The following KCNK10 variants were observed in gnomAD, a reference collection of about 807,000 sequenced individuals.
KCNK10 encodes the protein potassium two pore domain channel subfamily K member 10, also known as potassium channel subfamily K member 10.
Under a neutral mutation model 47.7 loss-of-function variants are expected in KCNK10, and 25 were observed. The observed-to-expected ratio is 0.52, with a 90% CI of 0.38 to 0.73. KCNK10 has a LOEUF of 0.73. Ranked by LOEUF, KCNK10 falls within the 30% of genes least tolerant of loss-of-function variation. KCNK10 has a pLI of 0.00. For missense variants in KCNK10, 563 were observed against 714.5 expected, an observed-to-expected ratio of 0.79 and a Z score of 2.42; for synonymous variants, 303 against 285.6, an observed-to-expected ratio of 1.06 and a Z score of -0.61.
chr14:88,216,113 C>T (rs368051365), intron 4 of KCNK10, among the ~76,000 whole-genome samples: 2 of 152,250 alleles, frequency 1.3e-5, no homozygotes, highest in East Asian at 3.9e-4. Context: ...GTCAAGTCTC[C>T]AGGCATTTTT....
At chr14:88,219,380 C>G (rs117564725) in intron 4 of KCNK10, among the ~76,000 whole-genome samples, 82 of 152,352 alleles carry the variant, frequency 5.4e-4, no homozygotes, top group Admixed American at 9.8e-4. Flanking sequence ...AGGGACAACG[C>G]TCTGAAGAGC....
chr14:88,277,321 C>T (rs918636803), intron 1 of KCNK10, among the ~76,000 whole-genome samples: 4 of 152,156 alleles, frequency 2.6e-5, no homozygotes, highest in Admixed American at 2.6e-4. Flanking sequence ...AAATACCCTA[C>T]CAAACAGCTT....
chr14:88,247,291 C>T (rs1320575837), intron 2 of KCNK10, among the ~76,000 whole-genome samples: 2 of 152,146 alleles, frequency 1.3e-5, no homozygotes, highest in African/African-American at 4.8e-5. Context: ...GCACGTGTGC[C>T]TTTACCTCCC....
chr14:88,305,829 C>T (rs562490688), intron 1 of KCNK10, among the ~76,000 whole-genome samples: 4 of 152,280 alleles, frequency 2.6e-5, no homozygotes, highest in South Asian at 2.1e-4. Context: ...CTACTGCTGT[C>T]GCCCAGTGGA....
chr14:88,208,035 G>C (rs1242575985), intron 4 of KCNK10, among the ~76,000 whole-genome samples: 1 of 152,212 alleles, frequency 6.6e-6, no homozygotes, highest in African/African-American at 2.4e-5. Context: ...CATTCCCGTG[G>C]TGAAGCAGAG....
chr14:88,240,714 A>G lies in KCNK10; in HGVS notation c.509T>C (p.Ile170Thr). The change falls in exon 3 of 7, where the codon ATT (isoleucine) becomes ACT (threonine). Residue 170 changes from isoleucine to threonine, a missense_variant. By Grantham distance (89) the Ile-to-Thr change is moderately conservative. Transcript: ENST00000319231. Reference sequence around the variant, plus strand: ...AAACAAACGGGTACCTATGGTCGTAATGACAGTTCCAGCAAAGAAAAAGGC... The same window carrying G: ...AAACAAACGGGTACCTATGGTCGTAGTGACAGTTCCAGCAAAGAAAAAGGC... ...GSAFFFAGTV[I>T]TTIGYGNIAP... 1 of 1,609,020 alleles carries G rather than the reference A, an allele frequency of 6.2e-7. No homozygotes were observed. The highest frequency in any genetic ancestry group is 8.5e-7 in the Non-Finnish European group (1 of 1,175,360).
At chr14:88,264,495 G>A (rs1887202797) in intron 1 of KCNK10, among the ~76,000 whole-genome samples, 1 of 152,160 alleles carries the variant, frequency 6.6e-6, no homozygotes, top group Non-Finnish European at 1.5e-5. Flanking sequence ...ACCTAAGTGG[G>A]GTAAACAGTC....
chr14:88,252,885 C>G (rs2139906207), intron 2 of KCNK10, among the ~76,000 whole-genome samples: 1 of 152,250 alleles, frequency 6.6e-6, no homozygotes, highest in South Asian at 2.1e-4. Flanking sequence ...CACAAAGGAG[C>G]CTGCTCATCA....
intron 3 of KCNK10, among the ~76,000 whole-genome samples, chr14:88,236,401 C>A (rs1209403761): frequency 6.6e-6 from 1 of 152,134 alleles, no homozygotes; most frequent in African/African-American, 2.4e-5. Context: ...TAAGCTACAA[C>A]TGTGAACAAT....
At chr14:88,297,929 A>C (rs1459698087) in intron 1 of KCNK10, among the ~76,000 whole-genome samples, 8 of 152,246 alleles carry the variant, frequency 5.3e-5, no homozygotes, top group Non-Finnish European at 7.3e-5. Context: ...TTCGTTCTGC[A>C]GTGGGAATAC....
chr14:88,243,785 AG>A (rs1421579573), intron 2 of KCNK10, among the ~76,000 whole-genome samples: 2 of 151,762 alleles, frequency 1.3e-5, no homozygotes, highest in African/African-American at 4.8e-5. Context: ...AGCGACAAAA[AG>A]GGGTGTCAAC....
At chr14:88,249,685 G>C (rs1886739590) in intron 2 of KCNK10, among the ~76,000 whole-genome samples, 1 of 152,076 alleles carries the variant, frequency 6.6e-6, no homozygotes, top group African/African-American at 2.4e-5. Flanking sequence ...TAACTTCTCT[G>C]TTCCTCTGTT....
rs142114948 is a variant in KCNK10, at chr14:88,201,001, C to T, written c.682-8591G>A. Among the ~76,000 whole-genome samples, 303 of 152,302 alleles carry T rather than the reference C, an allele frequency of 2.0e-3. 6 individuals carry two copies. The highest frequency in any genetic ancestry group is 5.7e-3 in the African/African-American group (238 of 41,558). ...TGCTCATACCTCAAGATTCCCTCTT[C>T]GTAGTAAAGGGAGTTGTTGCAAATG... is the stretch of plus-strand genomic sequence containing the variant. On this transcript the variant is annotated intron_variant, in intron 4 of 6. Transcript: ENST00000319231.
chr14:88,310,624 A>G (rs1888308413), intron 1 of KCNK10, among the ~76,000 whole-genome samples: 1 of 152,180 alleles, frequency 6.6e-6, no homozygotes, highest in Non-Finnish European at 1.5e-5. Context: ...TCACGCTCCT[A>G]TAGAAACTGC....
intron 3 of KCNK10, among the ~76,000 whole-genome samples, chr14:88,233,540 T>C (rs1886211918): frequency 6.6e-6 from 1 of 152,172 alleles, no homozygotes; most frequent in Non-Finnish European, 1.5e-5. Flanking sequence ...ACTGGGGATA[T>C]GACAATGAGG....
At chr14:88,313,824 C>T (rs1332502486) in intron 1 of KCNK10, among the ~76,000 whole-genome samples, 4 of 152,174 alleles carry the variant, frequency 2.6e-5, no homozygotes, top group Admixed American at 6.5e-5. Context: ...CACAATAATA[C>T]AGTAACATGC....
intron 1 of KCNK10, among the ~76,000 whole-genome samples, chr14:88,317,175 A>T (rs938678723): frequency 6.6e-6 from 1 of 152,194 alleles, no homozygotes; most frequent in Non-Finnish European, 1.5e-5. Context: ...GGCACATTTT[A>T]AATCCCATTT....
At chr14:88,201,757 C>T (rs569390225) in intron 4 of KCNK10, among the ~76,000 whole-genome samples, 15 of 152,010 alleles carry the variant, frequency 9.9e-5, no homozygotes, top group Non-Finnish European at 2.1e-4. Flanking sequence ...ACATTTTTTC[C>T]TCTTAAAACA....
At chr14:88,207,326 T>C (rs1290732548) in intron 4 of KCNK10, among the ~76,000 whole-genome samples, 2 of 151,956 alleles carry the variant, frequency 1.3e-5, no homozygotes, top group East Asian at 3.9e-4. Flanking sequence ...GGGCCCGCCA[T>C]CGCGCCCGGC....
Sources: allele counts gnomAD v4.1 joint callset (sites outside exome capture counted in the v4.1 genomes callset), GRCh38; gene constraint gnomAD v4.1.1; transcripts MANE v1.5; gene names NCBI Gene and HGNC (gene_info 2026-07-23, HGNC 2026-07-21).